Variants in GLI2 observed in about 807,000 individuals in gnomAD.
GLI2 encodes GLI family zinc finger 2, also known as transcription activator GLI2.
GLI2 carries 22 observed loss-of-function variants against 78.9 expected under a neutral mutation model. That is an observed-to-expected ratio of 0.28 (90% CI 0.20 to 0.40). The LOEUF (loss-of-function observed/expected upper bound fraction) is 0.40, where lower values mean the gene tolerates loss of function less well. Among genes scored for constraint, GLI2 ranks in the 10% least tolerant of loss-of-function variants. GLI2 has a pLI of 1.00. For synonymous variants in GLI2, 974 were observed against 963.7 expected, an observed-to-expected ratio of 1.01 and a Z score of -0.20; for missense variants, 2,097 against 2,213.2, an observed-to-expected ratio of 0.95 and a Z score of 1.05.
chr2:120,899,406 T>TACAC lies in GLI2; in HGVS notation c.149-27935_149-27932dup, dbSNP rs71398006. Among the ~76,000 whole-genome samples, 1,368 of 146,554 alleles carry TACAC rather than the reference T, an allele frequency of 9.3e-3. 18 individuals carry two copies. The highest frequency in any genetic ancestry group is 0.034 in the African/African-American group (1,302 of 38,166). On this transcript the variant is annotated intron_variant, in intron 2 of 13. Transcript: ENST00000361492. ...ATACACACTTGTGTGTACACACACA[T>TACAC]ACACACACACACACACACACACATA... is the stretch of plus-strand genomic sequence containing the variant.
chr2:120,915,995 C>T (rs188131899), intron 2 of GLI2, among the ~76,000 whole-genome samples: 179 of 152,320 alleles, frequency 1.2e-3, no homozygotes, highest in African/African-American at 4.2e-3. Flanking sequence ...AATGATTTCC[C>T]CTTCCTTACT....
At chr2:120,883,489 A>C (rs1677251140) in intron 2 of GLI2, among the ~76,000 whole-genome samples, 1 of 152,158 alleles carries the variant, frequency 6.6e-6, no homozygotes, top group South Asian at 2.1e-4. Context: ...CTTGTCTCAA[A>C]ACAAACAAAT....
intron 2 of GLI2, among the ~76,000 whole-genome samples, chr2:120,810,825 G>A (rs1317948505): frequency 3.3e-5 from 5 of 152,206 alleles, no homozygotes; most frequent in South Asian, 4.1e-4. Flanking sequence ...CTCCAGTGAC[G>A]TCACTGGGAC....
intron 3 of GLI2, among the ~76,000 whole-genome samples, chr2:120,933,311 C>T (rs943137648): frequency 1.3e-5 from 2 of 151,502 alleles, no homozygotes; most frequent in Non-Finnish European, 2.9e-5. Context: ...CTGATGCTCA[C>T]GTGGTTCCAG....
chr2:120,950,950 C>T (rs1680950979), intron 3 of GLI2, among the ~76,000 whole-genome samples: 1 of 152,248 alleles, frequency 6.6e-6, no homozygotes, highest in Non-Finnish European at 1.5e-5. Context: ...GCCTGCTGTG[C>T]GTGTGCTCCA....
intron 2 of GLI2, among the ~76,000 whole-genome samples, chr2:120,860,478 C>T (rs1367459442): frequency 6.6e-6 from 1 of 152,196 alleles, no homozygotes; most frequent in Admixed American, 6.5e-5. Flanking sequence ...TCAGAGGGCC[C>T]CCTGGGACTT....
At chr2:120,849,732 A>T (rs906119384) in intron 2 of GLI2, among the ~76,000 whole-genome samples, 15 of 152,234 alleles carry the variant, frequency 9.9e-5, no homozygotes, top group Admixed American at 2.6e-4. Flanking sequence ...AAAGGCTGCT[A>T]TGTGAAAGAG....
At position 120,847,974 on chromosome 2, in the gene GLI2, A is replaced by T. The variant is rs150292195; in HGVS notation, c.148+50506A>T. 4.7e-4 allele frequency among the ~76,000 whole-genome samples: 71 copies of T among 152,226 alleles called. 1 individual carries two copies. In the East Asian group the frequency reaches 0.012, roughly 25 times the overall value. On this transcript the variant is annotated intron_variant, in intron 2 of 13. Coordinates refer to ENST00000361492, the MANE Select transcript of GLI2 (RefSeq NM_001374353.1). ...ACATGGTACTTCTTGTTTATCTTTT[A>T]TTAAAGGCAGGCGCTTAGGCAGGGG...
chr2:120,828,984 C>T (rs1450348914), intron 2 of GLI2, among the ~76,000 whole-genome samples: 3 of 152,012 alleles, frequency 2.0e-5, no homozygotes, highest in Non-Finnish European at 2.9e-5. Flanking sequence ...AGCACTTGCT[C>T]CTGCACACTG....
At chr2:120,834,940 T>C (rs912546620) in intron 2 of GLI2, among the ~76,000 whole-genome samples, 3 of 152,190 alleles carry the variant, frequency 2.0e-5, no homozygotes, top group African/African-American at 7.2e-5. Context: ...TAAACCCACA[T>C]GGGTCCTCAC....
chr2:120,753,785 C>T (rs1275287959), intron 1 of GLI2, among the ~76,000 whole-genome samples: 1 of 151,966 alleles, frequency 6.6e-6, no homozygotes, highest in Non-Finnish European at 1.5e-5. Context: ...GCAGTCTTGG[C>T]TACTCGGGAG....
chr2:120,857,339 A>T (rs1687693992), intron 2 of GLI2, among the ~76,000 whole-genome samples: 1 of 86,660 alleles, frequency 1.2e-5, no homozygotes. Context: ...CCACCTACCC[A>T]TCTGCCCACC....
At chr2:120,764,282 C>A (rs1683303790) in intron 1 of GLI2, among the ~76,000 whole-genome samples, 1 of 152,244 alleles carries the variant, frequency 6.6e-6, no homozygotes, top group Admixed American at 6.5e-5. Flanking sequence ...GTTACAGGAT[C>A]TCAAGACTGT....
chr2:120,826,122 G>T (rs1003627656), intron 2 of GLI2, among the ~76,000 whole-genome samples: 8 of 152,308 alleles, frequency 5.3e-5, no homozygotes, highest in Non-Finnish European at 1.0e-4. Flanking sequence ...TTCCAACCCG[G>T]CTGGGTGGGG....
chr2:120,809,064 T>C (rs2104721421), intron 2 of GLI2, among the ~76,000 whole-genome samples: 1 of 152,276 alleles, frequency 6.6e-6, no homozygotes, highest in South Asian at 2.1e-4. Context: ...ACTTTGTATA[T>C]GGGTGTTTAT....
At chr2:120,975,597 T>G (rs1355317882) in intron 9 of GLI2, among the ~76,000 whole-genome samples, 1 of 152,182 alleles carries the variant, frequency 6.6e-6, no homozygotes, top group Non-Finnish European at 1.5e-5. Flanking sequence ...CCAGTGGATA[T>G]GGGTGCAGGT....
chr2:120,950,510 G>A (rs1057089793), intron 3 of GLI2, among the ~76,000 whole-genome samples: 1 of 152,170 alleles, frequency 6.6e-6, no homozygotes, highest in Non-Finnish European at 1.5e-5. Context: ...TTGGGGACAT[G>A]GGGGTGGGCC....
chr2:120,850,234 T>C (rs1384147264), intron 2 of GLI2, among the ~76,000 whole-genome samples: 5 of 152,172 alleles, frequency 3.3e-5, no homozygotes, highest in African/African-American at 1.2e-4. Context: ...TTTAGACATG[T>C]GATTGTAAAA....
chr2:120,895,189 C>A (rs753095841), intron 2 of GLI2, among the ~76,000 whole-genome samples: 7 of 152,212 alleles, frequency 4.6e-5, no homozygotes, highest in Non-Finnish European at 8.8e-5. Context: ...GCCAGCAATT[C>A]TCTCCTTGGA....
Sources: allele counts gnomAD v4.1 joint callset (sites outside exome capture counted in the v4.1 genomes callset), GRCh38; gene constraint gnomAD v4.1.1; transcripts MANE v1.5; gene names NCBI Gene and HGNC (gene_info 2026-07-23, HGNC 2026-07-21).